DTD1: variants seen among roughly 807,000 people sequenced by gnomAD.
DTD1 encodes the protein D-aminoacyl-tRNA deacylase 1, also known as D-tyrosyl-tRNA deacylase 1 homolog.
DTD1 carries 13 observed loss-of-function variants against 25.6 expected under a neutral mutation model. The observed-to-expected ratio is 0.51, with a 90% CI of 0.33 to 0.81. The LOEUF is 0.81. DTD1 is among the 30% of genes least tolerant of loss of function. DTD1 has a pLI of 0.02. For synonymous variants in DTD1, 110 were observed against 103.6 expected, an observed-to-expected ratio of 1.06 and a Z score of -0.37; for missense variants, 193 against 266.4, an observed-to-expected ratio of 0.72 and a Z score of 1.92.
At chr20:18,655,437 A>AT (rs1162003582) in intron 4 of DTD1, among the ~76,000 whole-genome samples, 2 of 152,216 alleles carry the variant, frequency 1.3e-5, no homozygotes, top group African/African-American at 4.8e-5. Flanking sequence ...TGTTTTAATT[A>AT]TGGCAATTTT....
At position 18,763,444 on chromosome 20, in the gene DTD1, T is replaced by C. The variant is rs2061370346; in HGVS notation, c.*104T>C. 1 of 152,642 alleles carries C rather than the reference T, an allele frequency of 6.6e-6. No homozygotes were observed. The highest frequency in any genetic ancestry group is 1.5e-5 in the Non-Finnish European group (1 of 68,038). The allele number at this position is 152,642 out of a possible 1,614,324, so 9.5% of individuals were successfully genotyped here. ...ACTTTAAGAATTTGGAACTGAAACA[T>C]GAAGAGGAAGACAGAAATAAGAATT... On this transcript the variant is annotated 3_prime_UTR_variant, in exon 6 of 6. Transcript: ENST00000377452.
chr20:18,629,705 A>T lies in DTD1; in HGVS notation c.477+1472A>T, dbSNP rs191169560. On this transcript the variant is annotated intron_variant, in intron 4 of 5. Coordinates refer to ENST00000377452, the MANE Select transcript of DTD1 (RefSeq NM_080820.6). ...AATACCTGAGACAGGGTAATTTATT[A>T]AAAAAAAGAGGTTTAATTGGCTCAC... 2.1e-3 allele frequency among the ~76,000 whole-genome samples: 316 copies of T among 152,012 alleles called. 4 individuals carry two copies. The highest frequency in any genetic ancestry group is 7.9e-3 in the East Asian group (41 of 5,180).
At chr20:18,714,864 A>C (rs948042197) in intron 4 of DTD1, among the ~76,000 whole-genome samples, 1 of 152,192 alleles carries the variant, frequency 6.6e-6, no homozygotes, top group African/African-American at 2.4e-5. Context: ...CCCCAAGGAG[A>C]AACTGGGTGC....
chr20:18,740,891 A>T (rs1337418124), intron 4 of DTD1, among the ~76,000 whole-genome samples: 1 of 152,220 alleles, frequency 6.6e-6, no homozygotes, highest in Non-Finnish European at 1.5e-5. Flanking sequence ...GTTATTTTAG[A>T]TGCAGGAAAT....
intron 4 of DTD1, among the ~76,000 whole-genome samples, chr20:18,666,782 T>C (rs755536559): frequency 6.6e-6 from 1 of 152,254 alleles, no homozygotes; most frequent in Non-Finnish European, 1.5e-5. Context: ...AAAATAGTTT[T>C]GTTTGCTTCA....
intron 4 of DTD1, among the ~76,000 whole-genome samples, chr20:18,743,066 C>A (rs1280470896): frequency 6.6e-6 from 1 of 152,204 alleles, no homozygotes; most frequent in Non-Finnish European, 1.5e-5. Context: ...GCAGGCTTTC[C>A]TGTAGTGGCT....
chr20:18,612,033 GTTTTTT>G (rs57848248), intron 3 of DTD1, among the ~76,000 whole-genome samples: 5 of 96,650 alleles, frequency 5.2e-5, no homozygotes, highest in East Asian at 3.0e-4. Flanking sequence ...TAATTTTTGT[GTTTTTT>G]TTTTTTTTTT....
chr20:18,632,327 T>C, intron 4 of DTD1: 1 of 985,486 alleles, frequency 1.0e-6, no homozygotes, highest in Non-Finnish European at 1.2e-6. Flanking sequence ...TGGACCAGTT[T>C]CCTGGCCCCC....
At chr20:18,723,382 T>C (rs1449175742) in intron 4 of DTD1, among the ~76,000 whole-genome samples, 1 of 152,194 alleles carries the variant, frequency 6.6e-6, no homozygotes, top group Non-Finnish European at 1.5e-5. Context: ...TCCATACCAG[T>C]GAGATAGAGG....
At chr20:18,617,850 T>C (rs1440231773) in intron 3 of DTD1, among the ~76,000 whole-genome samples, 1 of 152,230 alleles carries the variant, frequency 6.6e-6, no homozygotes, top group African/African-American at 2.4e-5. Context: ...CTAGAGATTC[T>C]TTTCATACCA....
At chr20:18,634,715 G>A (rs1056876445) in intron 4 of DTD1, among the ~76,000 whole-genome samples, 7 of 152,176 alleles carry the variant, frequency 4.6e-5, no homozygotes, top group African/African-American at 1.7e-4. Context: ...AAAGAAATAT[G>A]TAGGGTAAGG....
intron 4 of DTD1, among the ~76,000 whole-genome samples, chr20:18,739,317 T>G (rs2061268322): frequency 6.6e-6 from 1 of 152,258 alleles, no homozygotes; most frequent in African/African-American, 2.4e-5. Flanking sequence ...TCAGTGGATT[T>G]AATCATGAAT....
intron 4 of DTD1, among the ~76,000 whole-genome samples, chr20:18,652,910 G>A (rs1401831739): frequency 2.0e-5 from 3 of 152,202 alleles, no homozygotes; most frequent in Admixed American, 6.5e-5. Flanking sequence ...ATGCTTTCAT[G>A]TCTGTTTAGG....
intron 4 of DTD1, among the ~76,000 whole-genome samples, chr20:18,743,089 A>C (rs1053074629): frequency 6.6e-6 from 1 of 152,180 alleles, no homozygotes; most frequent in Non-Finnish European, 1.5e-5. Flanking sequence ...GCTGCTGCTC[A>C]GTGTTAGATG....
chr20:18,717,423 T>C (rs1438614436), intron 4 of DTD1, among the ~76,000 whole-genome samples: 1 of 152,208 alleles, frequency 6.6e-6, no homozygotes, highest in Non-Finnish European at 1.5e-5. Context: ...TTTTGGTAAA[T>C]TTTAGCTTTT....
chr20:18,672,862 T>C (rs111638314), intron 4 of DTD1, among the ~76,000 whole-genome samples: 54 of 152,334 alleles, frequency 3.5e-4, no homozygotes, highest in African/African-American at 1.3e-3. Flanking sequence ...TTATGGTTGT[T>C]TGTTATGATA....
chr20:18,686,257 T>C (rs184563401), intron 4 of DTD1, among the ~76,000 whole-genome samples: 1 of 152,384 alleles, frequency 6.6e-6, no homozygotes, highest in East Asian at 1.9e-4. Flanking sequence ...TCTAGCATGA[T>C]TATAAATGGC....
intron 4 of DTD1, among the ~76,000 whole-genome samples, chr20:18,661,603 C>T (rs894139276): frequency 3.3e-5 from 5 of 152,126 alleles, no homozygotes; most frequent in African/African-American, 1.2e-4. Flanking sequence ...GATCTCCTGA[C>T]CTCGTGATCT....
chr20:18,745,974 G>A (rs1277060836), intron 5 of DTD1, among the ~76,000 whole-genome samples: 1 of 152,186 alleles, frequency 6.6e-6, no homozygotes, highest in Non-Finnish European at 1.5e-5. Context: ...AAAAATTATA[G>A]TAGGAACAGA....
Sources: gnomAD v4.1 joint callset for allele counts (sites outside exome capture counted in the v4.1 genomes callset) on GRCh38, gnomAD v4.1.1 for gene constraint, MANE v1.5 for transcripts, NCBI Gene and HGNC (gene_info 2026-07-23, HGNC 2026-07-21) for gene names.